Variants in HELB observed in about 807,000 individuals in gnomAD.
HELB encodes the protein DNA 5'-3' helicase B.
HELB carries 96 observed loss-of-function variants against 101.7 expected under a neutral mutation model. The ratio of observed to expected loss-of-function variants is 0.94; its 90% CI spans 0.80 to 1.12. The LOEUF is 1.12. Among genes scored for constraint, HELB ranks in the 50% most tolerant of loss-of-function variants. The probability of loss-of-function intolerance (pLI) is 0.00; values close to 1 mark genes in which losing one functional copy is unlikely to be tolerated. For missense variants in HELB, 1,210 were observed against 1,291.9 expected (o/e 0.94, Z 0.97); for synonymous variants, 437 against 459.7 (o/e 0.95, Z 0.63).
chr12:66,331,504 T>C lies in HELB; in HGVS notation c.3021T>C (p.Asp1007=). Residue 1007 remains aspartate (D), a synonymous_variant, in exon 12 of 13, where the codon GAT becomes GAC. Coordinates refer to ENST00000247815, the MANE Select transcript of HELB (RefSeq NM_001370285.1). ...CCTGGAGCGAGGCCTCTTCGCCTGA[T>C]GAGAGGACACTCACCTTTGCTGAAA... ...DVTWSEASSP[D]ERTLTFAERW... The C allele has an allele frequency of 6.2e-7, 1 of 1,614,136 alleles. No individual in the cohort carries two copies. Among genetic ancestry groups the C allele is most frequent in the Non-Finnish European group, 8.5e-7 (1 of 1,180,024 alleles).
intron 6 of HELB, among the ~76,000 whole-genome samples, chr12:66,316,332 C>A (rs1035369621): frequency 2.0e-5 from 3 of 152,124 alleles, no homozygotes; most frequent in Non-Finnish European, 1.5e-5. Flanking sequence ...GTATTAAAAT[C>A]TCTAGATATA....
chr12:66,321,419 T>A (rs79325016), intron 7 of HELB: 1 of 152,820 alleles, frequency 6.5e-6, no homozygotes, highest in Non-Finnish European at 1.5e-5. Flanking sequence ...TTCCAGCTAA[T>A]ATGGAAGTAT....
downstream of HELB, chr12:66,338,933 A>G (rs1466710463): frequency 6.6e-6 from 1 of 152,156 alleles, no homozygotes. Flanking sequence ...CTGAGTTGGG[A>G]GCACATTGTT....
At chr12:66,336,193 T>A (rs1323809913) in intron 12 of HELB, among the ~76,000 whole-genome samples, 1 of 152,234 alleles carries the variant, frequency 6.6e-6, no homozygotes, top group Non-Finnish European at 1.5e-5. Flanking sequence ...AGTCATACTT[T>A]TATTCTTCTA....
At chr12:66,326,163 T>C (rs1040697052) in intron 11 of HELB, among the ~76,000 whole-genome samples, 7 of 152,210 alleles carry the variant, frequency 4.6e-5, no homozygotes, top group African/African-American at 1.7e-4. Flanking sequence ...TCATCTGTTA[T>C]TAGTGAGTCT....
intron 1 of HELB, among the ~76,000 whole-genome samples, 155 bp downstream of exon 1, chr12:66,302,945 A>G (rs2053423450): frequency 6.6e-6 from 1 of 151,006 alleles, no homozygotes; most frequent in Non-Finnish European, 1.5e-5. Context: ...AATTATGACT[A>G]TAATAATAGC....
intron 7 of HELB, among the ~76,000 whole-genome samples, chr12:66,320,350 TA>T (rs1326136096): frequency 8.5e-5 from 13 of 152,238 alleles, no homozygotes; most frequent in Non-Finnish European, 1.9e-4. Context: ...ATTATATCCA[TA>T]TACAATCATA....
chr12:66,321,870 C>A (rs2053674212), intron 7 of HELB, 78 bp from the exon 8 acceptor site: 2 of 636,796 alleles, frequency 3.1e-6, no homozygotes, highest in Non-Finnish European at 5.8e-6. Context: ...TAGCAGGAAT[C>A]CCAGATTAGT....
chr12:66,315,425 T>A, intron 6 of HELB, 42 bp downstream of exon 6: 1 of 1,412,772 alleles, frequency 7.1e-7, no homozygotes, highest in Admixed American at 2.6e-5. Context: ...TCTGTTGTAT[T>A]AGAAATTTAA....
At chr12:66,306,605 A>C in intron 3 of HELB, 91 bp downstream of exon 3, 2 of 822,294 alleles carry the variant, frequency 2.4e-6, no homozygotes, top group Non-Finnish European at 1.8e-6. Flanking sequence ...AAGGAAAAAA[A>C]TTTGTGTGGA....
In HELB at chr12:66,310,053, T is replaced by A. The variant is rs766424607; in HGVS notation, c.1125T>A (p.Pro375=). The A allele has an allele frequency of 3.7e-6, 6 of 1,614,220 alleles. No individual in the cohort carries two copies. The Admixed American group carries it at 1.0e-4, about 27-fold the overall frequency. Residue 375 remains proline (P), a synonymous_variant, in exon 4 of 13, where the codon CCT becomes CCA. Transcript: ENST00000247815. ...TTTGTGACCTGATGAAGAAACCTCC[T>A]TGGCATTTATGTGTCGATGTCGAAA... ...FSICDLMKKP[P]WHLCVDVEKV...
At chr12:66,325,149 C>A in intron 11 of HELB, 23 bp downstream of exon 11, 1 of 1,514,078 alleles carries the variant, frequency 6.6e-7, no homozygotes, top group Non-Finnish European at 9.1e-7. Flanking sequence ...TTTTATCAAA[C>A]CTTTTAAATA....
rs368271317 is a variant in HELB at position 66,309,789 on chromosome 12, G to T, written c.861G>T (p.Met287Ile). The change falls in exon 4 of 13, where the codon ATG becomes ATT. Residue 287 changes from methionine to isoleucine, a missense_variant. Coordinates refer to ENST00000247815, the MANE Select transcript of HELB (RefSeq NM_001370285.1). The stretch of plus-strand genomic sequence containing the variant: ...AGTGTGAGTCTCTTCTCCAGCTGAT[G>T]ACTGATTTGGAGAAGAATGCATTAA... ...FCQCESLLQL[M>I]TDLEKNALIM... 6.2e-7 allele frequency: 1 copy of T among 1,614,014 alleles called. No homozygotes were observed. Among genetic ancestry groups the T allele is most frequent in the South Asian group, 1.1e-5 (1 of 91,082 alleles).
chr12:66,340,086 A>G (rs1284593115), downstream of HELB: 2 of 152,250 alleles, frequency 1.3e-5, no homozygotes, highest in African/African-American at 2.4e-5. Context: ...ACATCTGTGT[A>G]TAAGTTTTTA....
chr12:66,332,784 A>G (rs1380703106), intron 12 of HELB, among the ~76,000 whole-genome samples: 1 of 152,228 alleles, frequency 6.6e-6, no homozygotes, highest in South Asian at 2.1e-4. Context: ...TTCTTTGTTC[A>G]AAAGCTTCAG....
rs547349703 is a variant in HELB, at chr12:66,311,157, GAA to G, written c.1680+562_1680+563del. On this transcript the variant is annotated intron_variant, in intron 4 of 12. Coordinates refer to ENST00000247815, the MANE Select transcript of HELB (RefSeq NM_001370285.1). ...CTTCCTTCTTTGAGTAAGTCTTATGGAAAAAAAAAAAAAACCTATTGGGTTCA... is the reference window on the plus strand; with the variant it reads ...CTTCCTTCTTTGAGTAAGTCTTATGGAAAAAAAAAAAACCTATTGGGTTCA... Among the ~76,000 whole-genome samples the G allele has an allele frequency of 3.5e-5, 5 of 144,886 alleles. 1 individual carries two copies. Among genetic ancestry groups the G allele is most frequent in the African/African-American group, 1.3e-4 (5 of 38,832 alleles).
At chr12:66,329,220 C>G (rs2137012841) in intron 11 of HELB, among the ~76,000 whole-genome samples, 1 of 152,314 alleles carries the variant, frequency 6.6e-6, no homozygotes, top group South Asian at 2.1e-4. Flanking sequence ...TAAGTACCAT[C>G]TTGGAGTGCA....
intron 9 of HELB, among the ~76,000 whole-genome samples, chr12:66,323,408 G>A (rs1041413168): frequency 2.0e-5 from 3 of 152,102 alleles, no homozygotes; most frequent in South Asian, 2.1e-4. Flanking sequence ...GGGCCAGGTC[G>A]TTTCCCTCTC....
chr12:66,333,730 A>C (rs559628190), intron 12 of HELB, among the ~76,000 whole-genome samples: 5 of 152,170 alleles, frequency 3.3e-5, no homozygotes, highest in Non-Finnish European at 4.4e-5. Context: ...TAAGGTGGCT[A>C]GTGAGCGAGG....
Sources: gnomAD v4.1 joint callset for allele counts (sites outside exome capture counted in the v4.1 genomes callset) on GRCh38, gnomAD v4.1.1 for gene constraint, MANE v1.5 for transcripts, NCBI Gene and HGNC (gene_info 2026-07-23, HGNC 2026-07-21) for gene names.